DPP10: variants seen among roughly 807,000 people sequenced by gnomAD.
The protein encoded by DPP10 is inactive dipeptidyl peptidase 10.
Under a neutral mutation model 120.9 loss-of-function variants are expected in DPP10, and 33 were observed. The ratio of observed to expected loss-of-function variants is 0.27; its 90% confidence interval spans 0.21 to 0.37. The LOEUF is 0.37. Ranked by LOEUF, DPP10 falls within the 10% of genes least tolerant of loss-of-function variation. The probability of loss-of-function intolerance (pLI) is 1.00; values close to 1 mark genes in which losing one functional copy is unlikely to be tolerated. For synonymous variants in DPP10, 337 were observed against 326.1 expected (o/e 1.03, Z -0.36); for missense variants, 816 against 942.8 (o/e 0.87, Z 1.76).
chr2:114,620,454 A>G (rs941913048), intron 1 of DPP10, among the ~76,000 whole-genome samples: 1 of 152,022 alleles, frequency 6.6e-6, no homozygotes, highest in Admixed American at 6.6e-5. Flanking sequence ...TTTAATTTTA[A>G]TGGACTGACA....
chr2:114,815,776 A>C (rs990682526), intron 1 of DPP10, among the ~76,000 whole-genome samples: 1 of 152,004 alleles, frequency 6.6e-6, no homozygotes, highest in East Asian at 1.9e-4. Context: ...TTGGGAGTCA[A>C]ATATCTCTCA....
At chr2:114,586,835 G>A (rs1420952795) in intron 1 of DPP10, among the ~76,000 whole-genome samples, 1 of 152,160 alleles carries the variant, frequency 6.6e-6, no homozygotes, top group Non-Finnish European at 1.5e-5. Context: ...CTTGGCATCT[G>A]CCCCATCTCT....
At chr2:115,518,656 T>C (rs2077631855) in intron 4 of DPP10, among the ~76,000 whole-genome samples, 1 of 152,018 alleles carries the variant, frequency 6.6e-6, no homozygotes, top group African/African-American at 2.4e-5. Flanking sequence ...AAAATAATAA[T>C]TATATTATTT....
At chr2:115,542,140 T>C (rs756058828) in intron 5 of DPP10, among the ~76,000 whole-genome samples, 24 of 151,938 alleles carry the variant, frequency 1.6e-4, no homozygotes, top group Non-Finnish European at 2.9e-4. Flanking sequence ...TTCTATGACA[T>C]TTTTTATTAT....
chr2:115,544,789 C>A (rs2079398681), intron 5 of DPP10, among the ~76,000 whole-genome samples: 1 of 151,972 alleles, frequency 6.6e-6, no homozygotes, highest in Admixed American at 6.6e-5. Context: ...ATAAACTGTT[C>A]CTCACTGCTG....
chr2:114,709,585 A>G (rs986822732), intron 1 of DPP10, among the ~76,000 whole-genome samples: 2 of 152,072 alleles, frequency 1.3e-5, no homozygotes, highest in East Asian at 3.9e-4. Context: ...CTATGATTTT[A>G]TTTTTTAGCT....
chr2:115,727,951 T>C lies in DPP10; in HGVS notation c.697+15T>C. 1 of 1,589,424 alleles carries C rather than the reference T, an allele frequency of 6.3e-7. No individual in the cohort carries two copies. Among genetic ancestry groups the C allele is most frequent in the Non-Finnish European group, 8.5e-7 (1 of 1,172,378 alleles). The stretch of plus-strand genomic sequence containing the variant: ...GTTATATGAAGGTGAGTTGATCAGA[T>C]TTAGTTTCAAAGGAAACAAATGACA... On this transcript the variant is annotated intron_variant, in intron 8 of 25. Coordinates refer to ENST00000410059, the MANE Select transcript of DPP10 (RefSeq NM_020868.6).
chr2:114,448,681 T>C (rs1218047052), intron 1 of DPP10, among the ~76,000 whole-genome samples: 1 of 152,128 alleles, frequency 6.6e-6, no homozygotes, highest in Non-Finnish European at 1.5e-5. Context: ...ATCTGTGCTA[T>C]TGTCAGCCTG....
At chr2:115,656,102 A>T (rs917925779) in intron 5 of DPP10, among the ~76,000 whole-genome samples, 1 of 150,894 alleles carries the variant, frequency 6.6e-6, no homozygotes. Context: ...AAATATGATA[A>T]GAGTATACAT....
At chr2:115,754,980 G>A (rs1458091931) in intron 11 of DPP10, among the ~76,000 whole-genome samples, 1 of 152,092 alleles carries the variant, frequency 6.6e-6, no homozygotes, top group African/African-American at 2.4e-5. Flanking sequence ...ACAGTGAAGT[G>A]AAGAAATCTC....
intron 1 of DPP10, among the ~76,000 whole-genome samples, chr2:114,981,624 A>G (rs1264962430): frequency 6.6e-6 from 1 of 152,068 alleles, no homozygotes; most frequent in East Asian, 1.9e-4. Context: ...TCTGTTATCC[A>G]GACTGGAATG....
At chr2:114,890,257 G>A (rs368952267) in intron 1 of DPP10, among the ~76,000 whole-genome samples, 11 of 152,170 alleles carry the variant, frequency 7.2e-5, no homozygotes, top group African/African-American at 2.4e-4. Context: ...AAATGTTTTT[G>A]TGTGCTACAA....
At chr2:114,803,271 G>A (rs746051388) in intron 1 of DPP10, among the ~76,000 whole-genome samples, 11 of 152,158 alleles carry the variant, frequency 7.2e-5, no homozygotes, top group Non-Finnish European at 1.2e-4. Flanking sequence ...TTCAGTTAAA[G>A]TTAGTCCTCT....
At chr2:115,153,815 AC>A (rs1000647164) in intron 1 of DPP10, among the ~76,000 whole-genome samples, 1 of 151,656 alleles carries the variant, frequency 6.6e-6, no homozygotes, top group Non-Finnish European at 1.5e-5. Context: ...TGTCTCTCCT[AC>A]CCCTCCCCCA....
At chr2:115,389,718 A>G (rs560344560) in intron 3 of DPP10, among the ~76,000 whole-genome samples, 7 of 152,122 alleles carry the variant, frequency 4.6e-5, no homozygotes, top group Non-Finnish European at 1.0e-4. Flanking sequence ...GGCTCAACCT[A>G]ATGCGTGAGG....
Position 115,836,687 on chromosome 2 carries a change from T to C in DPP10, c.2123T>C (p.Leu708Pro), listed in dbSNP as rs1689567091. 2 of 1,613,400 alleles carry C rather than the reference T, an allele frequency of 1.2e-6. No homozygotes were observed. The highest frequency in any genetic ancestry group is 2.7e-5 in the African/African-American group (2 of 74,900). Reference protein sequence around the residue: ...EESTYQAASVLHNVHGLKEEN... With the variant: ...EESTYQAASVPHNVHGLKEEN... ...TTTCCTTTATAGGCAGCCAGTGTGC[T>C]ACATAATGTTCATGGCTTGAAAGAA... The change falls in exon 24 of 26, where the codon CTA becomes CCA. Residue 708 changes from leucine (L) to proline (P), a missense_variant. Transcript: ENST00000410059.
intron 1 of DPP10, among the ~76,000 whole-genome samples, chr2:115,074,668 C>A (rs545742720): frequency 6.6e-6 from 1 of 152,054 alleles, no homozygotes; most frequent in Non-Finnish European, 1.5e-5. Context: ...TAAACCATTT[C>A]GAAGGTAATG....
chr2:114,718,873 T>C (rs1458350505), intron 1 of DPP10, among the ~76,000 whole-genome samples: 1 of 152,194 alleles, frequency 6.6e-6, no homozygotes, highest in Non-Finnish European at 1.5e-5. Context: ...CTTTGTAATG[T>C]CACAGGGGAT....
intron 1 of DPP10, among the ~76,000 whole-genome samples, chr2:114,477,239 T>G (rs1452355756): frequency 1.3e-5 from 2 of 152,126 alleles, no homozygotes; most frequent in East Asian, 3.9e-4. Context: ...ATTACAGGTG[T>G]GAGCCACTGC....
Sources: gnomAD v4.1 joint callset for allele counts (sites outside exome capture counted in the v4.1 genomes callset) on GRCh38, gnomAD v4.1.1 for gene constraint, MANE v1.5 for transcripts, NCBI Gene and HGNC (gene_info 2026-07-23, HGNC 2026-07-21) for gene names.